PRR16: variants seen among roughly 807,000 people sequenced by gnomAD.
The protein encoded by PRR16 is protein Largen.
PRR16 carries 6 observed loss-of-function variants against 18.2 expected under a neutral mutation model. The ratio of observed to expected loss-of-function variants is 0.33; its 90% CI spans 0.18 to 0.65. The LOEUF (loss-of-function observed/expected upper bound fraction) is 0.65. PRR16 is among the 30% of genes least tolerant of loss of function. PRR16 has a pLI of 0.74. For synonymous variants in PRR16, 151 were observed against 147.8 expected, an observed-to-expected ratio of 1.02 and a Z score of -0.16; for missense variants, 412 against 376.6, an observed-to-expected ratio of 1.09 and a Z score of -0.78.
At chr5:120,524,390 C>G (rs1751284538) in intron 1 of PRR16, among the ~76,000 whole-genome samples, 1 of 152,070 alleles carries the variant, frequency 6.6e-6, no homozygotes, top group Non-Finnish European at 1.5e-5. Flanking sequence ...GTACAAGCTA[C>G]AAAATTCAGT....
chr5:120,576,987 G>T (rs79193545), intron 1 of PRR16, among the ~76,000 whole-genome samples: 1 of 151,206 alleles, frequency 6.6e-6, no homozygotes, highest in Non-Finnish European at 1.5e-5. Flanking sequence ...ACATCCATTT[G>T]TTCTATTTCT....
At chr5:120,497,686 G>A (rs10052315) in intron 1 of PRR16, among the ~76,000 whole-genome samples, 24,083 of 151,770 alleles carry the variant, frequency 0.16, 2,003 homozygotes, top group Non-Finnish European at 0.18. Flanking sequence ...ACAGCTCCCG[G>A]CTGAATTGAT....
At chr5:120,762,545 G>T in the PRR16 span, among the ~76,000 whole-genome samples, 74,860 of 151,924 alleles carry the variant, frequency 0.49, 19,554 homozygotes, top group East Asian at 0.79. Flanking sequence ...TGCTCAGGCC[G>T]CTCTCCTGGG....
intron 1 of PRR16, among the ~76,000 whole-genome samples, chr5:120,501,156 A>G (rs1283768417): frequency 1.3e-5 from 2 of 152,190 alleles, no homozygotes; most frequent in African/African-American, 4.8e-5. Flanking sequence ...CAAAGGTGAA[A>G]AGGCTTAGAA....
the PRR16 span, among the ~76,000 whole-genome samples, chr5:120,729,801 C>A: frequency 2.0e-5 from 3 of 152,164 alleles, no homozygotes; most frequent in South Asian, 6.2e-4. Context: ...GGGAAAACTG[C>A]CATTGGTTTG....
chr5:120,740,996 T>C, the PRR16 span, among the ~76,000 whole-genome samples: 1 of 152,060 alleles, frequency 6.6e-6, no homozygotes, highest in East Asian at 1.9e-4. Flanking sequence ...TCAATGTATT[T>C]AATTTTTCTT....
chr5:120,631,929 A>G (rs373622488), intron 1 of PRR16, among the ~76,000 whole-genome samples: 1 of 152,112 alleles, frequency 6.6e-6, no homozygotes, highest in East Asian at 1.9e-4. Context: ...GCCAACCAAC[A>G]CAAAACCAGC....
intron 1 of PRR16, among the ~76,000 whole-genome samples, chr5:120,491,084 A>G (rs1269810101): frequency 2.0e-5 from 3 of 152,134 alleles, no homozygotes; most frequent in Non-Finnish European, 2.9e-5. Context: ...CCTCCCAGTT[A>G]GGCTACTCGG....
intron 1 of PRR16, among the ~76,000 whole-genome samples, chr5:120,541,296 C>T (rs1478128341): frequency 6.6e-6 from 1 of 152,134 alleles, no homozygotes; most frequent in Non-Finnish European, 1.5e-5. Flanking sequence ...CAGGCACATG[C>T]CACCATGCCC....
the PRR16 span, among the ~76,000 whole-genome samples, chr5:120,754,190 A>C: frequency 0.089 from 9,562 of 107,696 alleles, 667 homozygotes; most frequent in African/African-American, 0.16. Context: ...TATATAATAT[A>C]TAATTATATA....
chr5:120,760,207 T>G, the PRR16 span, among the ~76,000 whole-genome samples: 1 of 152,274 alleles, frequency 6.6e-6, no homozygotes, highest in South Asian at 2.1e-4. Flanking sequence ...TACAGATTAG[T>G]AAGAGGAGGA....
chr5:120,774,887 T>C, the PRR16 span, among the ~76,000 whole-genome samples: 1 of 152,172 alleles, frequency 6.6e-6, no homozygotes. Flanking sequence ...TTTCATCTGA[T>C]TCTCTTAAGG....
chr5:120,773,630 C>T, the PRR16 span, among the ~76,000 whole-genome samples: 5 of 150,824 alleles, frequency 3.3e-5, no homozygotes, highest in South Asian at 1.0e-3. Flanking sequence ...ATTAGGTGTT[C>T]TATTTTTGTT....
intron 1 of PRR16, among the ~76,000 whole-genome samples, chr5:120,621,805 T>A (rs1440444876): frequency 1.3e-5 from 2 of 152,146 alleles, no homozygotes; most frequent in Non-Finnish European, 2.9e-5. Flanking sequence ...TCCTCAGGCC[T>A]CCCCAGCCAT....
At chr5:120,533,612 A>G (rs1751620780) in intron 1 of PRR16, among the ~76,000 whole-genome samples, 1 of 152,142 alleles carries the variant, frequency 6.6e-6, no homozygotes, top group Non-Finnish European at 1.5e-5. Flanking sequence ...CTATCCAGTA[A>G]AACCACCAGG....
At chr5:120,506,730 T>G (rs1385413189) in intron 1 of PRR16, among the ~76,000 whole-genome samples, 1 of 152,092 alleles carries the variant, frequency 6.6e-6, no homozygotes, top group Non-Finnish European at 1.5e-5. Flanking sequence ...GTTGTATGAC[T>G]TTTCTCTTAT....
At chr5:120,696,370 A>G in the PRR16 span, among the ~76,000 whole-genome samples, 1 of 152,182 alleles carries the variant, frequency 6.6e-6, no homozygotes, top group African/African-American at 2.4e-5. Flanking sequence ...TCTTTTTCTT[A>G]AATTAGCAGT....
At chr5:120,554,041 A>G (rs1752337882) in intron 1 of PRR16, among the ~76,000 whole-genome samples, 1 of 151,946 alleles carries the variant, frequency 6.6e-6, no homozygotes. Flanking sequence ...AACTAAATTC[A>G]CAGATAATAC....
intron 1 of PRR16, among the ~76,000 whole-genome samples, chr5:120,523,517 GT>G (rs2112656029): frequency 6.6e-6 from 1 of 152,158 alleles, no homozygotes; most frequent in Non-Finnish European, 1.5e-5. Context: ...AATGAATATG[GT>G]TTATTTTTAT....
Sources: gnomAD v4.1 joint callset for allele counts (sites outside exome capture counted in the v4.1 genomes callset) on GRCh38, gnomAD v4.1.1 for gene constraint, MANE v1.5 for transcripts, NCBI Gene and HGNC (gene_info 2026-07-23, HGNC 2026-07-21) for gene names.